Variants in AGBL4 observed in about 807,000 individuals in gnomAD.
AGBL4 encodes cytosolic carboxypeptidase 6.
Under a neutral mutation model 66.4 loss-of-function variants are expected in AGBL4, and 58 were observed. The ratio of observed to expected loss-of-function variants is 0.87; its 90% CI spans 0.71 to 1.09. AGBL4 has a LOEUF of 1.09. Ranked by LOEUF, AGBL4 falls within the 50% of genes least tolerant of loss-of-function variation. AGBL4 has a pLI of 0.00. For missense variants in AGBL4, 579 were observed against 631.0 expected (o/e 0.92, Z 0.88); for synonymous variants, 234 against 222.9 (o/e 1.05, Z -0.44).
intron 6 of AGBL4, among the ~76,000 whole-genome samples, chr1:48,682,662 G>A (rs1004078802): frequency 2.0e-5 from 3 of 152,116 alleles, no homozygotes; most frequent in African/African-American, 7.2e-5. Context: ...CAAAATGCTG[G>A]GACTACAGGT....
chr1:49,678,650 T>C (rs1017019154), intron 3 of AGBL4, among the ~76,000 whole-genome samples: 3 of 151,988 alleles, frequency 2.0e-5, no homozygotes, highest in Admixed American at 6.5e-5. Context: ...TTTTGGTAAG[T>C]TGTATTTTCA....
At chr1:49,927,551 A>G (rs1652901341) in intron 1 of AGBL4, among the ~76,000 whole-genome samples, 1 of 152,186 alleles carries the variant, frequency 6.6e-6, no homozygotes, top group South Asian at 2.1e-4. Context: ...GAATGATCCA[A>G]TTATCTCCAC....
intron 1 of AGBL4, among the ~76,000 whole-genome samples, chr1:49,860,904 G>A (rs1252078415): frequency 1.3e-5 from 2 of 152,124 alleles, no homozygotes; most frequent in African/African-American, 2.4e-5. Flanking sequence ...AGGCACTGAA[G>A]AGATCACAAA....
chr1:49,093,266 C>T (rs1645032646), intron 4 of AGBL4, among the ~76,000 whole-genome samples: 1 of 152,092 alleles, frequency 6.6e-6, no homozygotes, highest in Admixed American at 6.6e-5. Context: ...AGACTTACTG[C>T]CTGGACTGAC....
At chr1:49,546,819 T>C (rs1260299605) in intron 3 of AGBL4, among the ~76,000 whole-genome samples, 2 of 152,230 alleles carry the variant, frequency 1.3e-5, no homozygotes, top group Non-Finnish European at 2.9e-5. Context: ...TTGAGAACTG[T>C]CTATTAATGT....
intron 6 of AGBL4, among the ~76,000 whole-genome samples, chr1:48,827,773 C>T (rs945419195): frequency 1.3e-5 from 2 of 152,062 alleles, no homozygotes; most frequent in African/African-American, 4.8e-5. Context: ...TGAGACAAAC[C>T]TCATGTGGTG....
intron 2 of AGBL4, among the ~76,000 whole-genome samples, chr1:49,772,613 C>T (rs970080676): frequency 1.3e-5 from 2 of 152,234 alleles, no homozygotes; most frequent in South Asian, 4.2e-4. Flanking sequence ...TTATTCCTGA[C>T]GTATGGATAT....
intron 3 of AGBL4, among the ~76,000 whole-genome samples, chr1:49,670,740 A>G (rs1646459885): frequency 6.6e-6 from 1 of 152,222 alleles, no homozygotes; most frequent in Non-Finnish European, 1.5e-5. Flanking sequence ...CACTGGCTAA[A>G]TACTAAGCAA....
At chr1:49,288,219 TG>T (rs1440659645) in intron 3 of AGBL4, among the ~76,000 whole-genome samples, 25 of 66,184 alleles carry the variant, frequency 3.8e-4, no homozygotes, top group Admixed American at 2.7e-3. Flanking sequence ...TGTGGTGGGG[TG>T]GGGGGAGGGG....
chr1:49,402,174 T>A (rs901006081), intron 3 of AGBL4, among the ~76,000 whole-genome samples: 4 of 152,174 alleles, frequency 2.6e-5, no homozygotes, highest in African/African-American at 9.6e-5. Context: ...TTCAAATTCA[T>A]TTATTTCTGC....
chr1:49,967,276 A>G (rs145528697), intron 1 of AGBL4, among the ~76,000 whole-genome samples: 153 of 152,348 alleles, frequency 1.0e-3, no homozygotes, highest in Admixed American at 1.8e-3. Flanking sequence ...ATGTCCATCA[A>G]TAATAGACTG....
chr1:49,772,590 C>A (rs1050331376), intron 2 of AGBL4, among the ~76,000 whole-genome samples: 6 of 152,094 alleles, frequency 3.9e-5, no homozygotes, highest in African/African-American at 1.4e-4. Flanking sequence ...CTGGGAAGGT[C>A]TTTAGTTCTC....
chr1:49,677,596 C>T (rs78118207), intron 3 of AGBL4, among the ~76,000 whole-genome samples: 8,098 of 152,102 alleles, frequency 0.053, 243 homozygotes, highest in African/African-American at 0.071. Context: ...TGGAGCAATA[C>T]TGAGCTCATA....
chr1:49,246,477 T>C (rs1651650345), intron 3 of AGBL4, among the ~76,000 whole-genome samples: 1 of 151,926 alleles, frequency 6.6e-6, no homozygotes, highest in African/African-American at 2.4e-5. Flanking sequence ...ACCCTCTTTG[T>C]TATTTTCTAC....
intron 3 of AGBL4, among the ~76,000 whole-genome samples, chr1:49,653,869 G>A (rs1046278907): frequency 7.3e-5 from 11 of 151,444 alleles, no homozygotes; most frequent in African/African-American, 1.5e-4. Context: ...GAAAGAGACC[G>A]GGAGAATGGA....
chr1:49,110,185 C>T (rs1309762251), intron 4 of AGBL4, among the ~76,000 whole-genome samples: 1 of 152,200 alleles, frequency 6.6e-6, no homozygotes, highest in African/African-American at 2.4e-5. Flanking sequence ...ATTATTTCCT[C>T]ACAAACACTT....
intron 5 of AGBL4, among the ~76,000 whole-genome samples, chr1:48,940,248 C>T (rs955555333): frequency 1.3e-5 from 2 of 152,110 alleles, no homozygotes; most frequent in African/African-American, 4.8e-5. Flanking sequence ...CGTGGTGGCA[C>T]ACGCCTGTAA....
chr1:49,376,312 C>A (rs947310956), intron 3 of AGBL4, among the ~76,000 whole-genome samples: 11 of 152,136 alleles, frequency 7.2e-5, no homozygotes, highest in African/African-American at 2.6e-4. Context: ...GGGAGGTTAA[C>A]CTCTACAGAT....
chr1:49,767,680 T>C (rs12122358), intron 2 of AGBL4, among the ~76,000 whole-genome samples: 7,570 of 151,790 alleles, frequency 0.05, 300 homozygotes, highest in East Asian at 0.16. Context: ...TTCTTTGAAA[T>C]GATAAATGAA....
Sources: gnomAD v4.1 joint callset for allele counts (sites outside exome capture counted in the v4.1 genomes callset) on GRCh38, gnomAD v4.1.1 for gene constraint, MANE v1.5 for transcripts, NCBI Gene and HGNC (gene_info 2026-07-23, HGNC 2026-07-21) for gene names.